The following NEMP2 variants were observed in gnomAD, a reference collection of about 807,000 sequenced individuals.
NEMP2 encodes the protein nuclear envelope integral membrane protein 2.
Under a neutral mutation model 54.2 loss-of-function variants are expected in NEMP2, and 53 were observed. The ratio of observed to expected loss-of-function variants is 0.98; its 90% CI spans 0.78 to 1.23. The LOEUF (loss-of-function observed/expected upper bound fraction) is 1.23. Among genes scored for constraint, NEMP2 ranks in the 50% most tolerant of loss-of-function variants. The pLI is 0.00. For synonymous variants in NEMP2, 197 were observed against 190.3 expected (o/e 1.04, Z -0.29); for missense variants, 455 against 511.3 (o/e 0.89, Z 1.06).
chr2:190,472,196 A>G, the NEMP2 span, among the ~76,000 whole-genome samples: 2 of 152,230 alleles, frequency 1.3e-5, no homozygotes. Context: ...TCCTCCTCCA[A>G]AGAAACGCAG....
At chr2:190,550,543 G>A in the NEMP2 span, among the ~76,000 whole-genome samples, 3 of 152,196 alleles carry the variant, frequency 2.0e-5, no homozygotes, top group South Asian at 2.1e-4. This position sits in a 1 kb window ranked among gnomAD's most constrained non-coding sequence, Gnocchi z 4.7. Flanking sequence ...TTTATTCCAC[G>A]TTACACACAC....
the NEMP2 span, among the ~76,000 whole-genome samples, chr2:190,450,819 G>A: frequency 6.6e-5 from 10 of 152,114 alleles, no homozygotes; most frequent in Non-Finnish European, 1.5e-5. Context: ...CCTTTAAAAA[G>A]TTAACATATA....
chr2:190,589,067 A>T, the NEMP2 span, among the ~76,000 whole-genome samples: 1 of 152,280 alleles, frequency 6.6e-6, no homozygotes, highest in East Asian at 1.9e-4. The surrounding 1 kb of genome is among the most constrained non-coding windows in gnomAD (Gnocchi z 4.3). Context: ...AATAAGCTGC[A>T]TTGGAAGCTA....
chr2:190,450,853 AAAG>A, the NEMP2 span, among the ~76,000 whole-genome samples: 1 of 152,200 alleles, frequency 6.6e-6, no homozygotes, highest in African/African-American at 2.4e-5. Context: ...ACATTATTGA[AAAG>A]AAGAATAAAC....
chr2:190,464,596 G>C, the NEMP2 span, among the ~76,000 whole-genome samples: 1 of 152,142 alleles, frequency 6.6e-6, no homozygotes, highest in Non-Finnish European at 1.5e-5. Flanking sequence ...TGTTCGCTTT[G>C]TTTCCTCTGC....
the NEMP2 span, among the ~76,000 whole-genome samples, chr2:190,426,658 G>T: frequency 3.3e-5 from 5 of 152,034 alleles, no homozygotes; most frequent in African/African-American, 1.2e-4. The surrounding 1 kb of genome is among the most constrained non-coding windows in gnomAD (Gnocchi z 4.7). Flanking sequence ...AGTCCCCAGT[G>T]TCTATTATTT....
chr2:190,460,479 A>G, the NEMP2 span, among the ~76,000 whole-genome samples: 1 of 152,200 alleles, frequency 6.6e-6, no homozygotes, highest in Admixed American at 6.5e-5. Flanking sequence ...TTCAATAAGT[A>G]TTTGTTAATT....
rs1690411866 is a variant in NEMP2 at position 190,512,753 on chromosome 2, T to C, written c.953+1700A>G. On this transcript the variant is annotated intron_variant, in intron 7 of 8. Transcript: ENST00000409150. The surrounding 1 kb of genome is among the most constrained non-coding windows in gnomAD (Gnocchi z 4.5). ...AGCCTCACTGACAAAAGACCTCTGGTGTTCCGAGTCACTGTTTGCCTCGGG... is the reference window on the plus strand; with the variant it reads ...AGCCTCACTGACAAAAGACCTCTGGCGTTCCGAGTCACTGTTTGCCTCGGG... Among the ~76,000 whole-genome samples, 1 of 152,206 alleles carries C rather than the reference T, an allele frequency of 6.6e-6. No individual in the cohort carries two copies. The highest frequency in any genetic ancestry group is 2.4e-5 in the African/African-American group (1 of 41,458).
chr2:190,500,252 T>A, downstream of NEMP2: 1 of 1,610,146 alleles, frequency 6.2e-7, no homozygotes, highest in Non-Finnish European at 8.5e-7. This position sits in a 1 kb window ranked among gnomAD's most constrained non-coding sequence, Gnocchi z 5.3. Context: ...CTGCATGGAA[T>A]CAGGCTCCTC....
the NEMP2 span, among the ~76,000 whole-genome samples, chr2:190,422,491 T>TA: frequency 6.6e-6 from 1 of 152,232 alleles, no homozygotes; most frequent in Non-Finnish European, 1.5e-5. Flanking sequence ...ATTGCATGTG[T>TA]AAAATGTCTT....
the NEMP2 span, among the ~76,000 whole-genome samples, chr2:190,596,431 A>G: frequency 6.6e-6 from 1 of 152,166 alleles, no homozygotes; most frequent in Non-Finnish European, 1.5e-5. This position sits in a 1 kb window ranked among gnomAD's most constrained non-coding sequence, Gnocchi z 5.1. Flanking sequence ...ATGCACCACC[A>G]CTTACATATT....
At chr2:190,599,867 C>T in the NEMP2 span, among the ~76,000 whole-genome samples, 1 of 152,262 alleles carries the variant, frequency 6.6e-6, no homozygotes, top group Non-Finnish European at 1.5e-5. Context: ...CCCATCCCCC[C>T]ATCCCAATCA....
the NEMP2 span, among the ~76,000 whole-genome samples, chr2:190,560,223 G>A: frequency 0.17 from 25,388 of 152,186 alleles, 2,285 homozygotes; most frequent in Middle Eastern, 0.22. This position sits in a 1 kb window ranked among gnomAD's most constrained non-coding sequence, Gnocchi z 5.4. Context: ...GAGTCAAGCA[G>A]TTTTGCTGCT....
the NEMP2 span, among the ~76,000 whole-genome samples, chr2:190,540,651 T>G: frequency 6.6e-6 from 1 of 152,208 alleles, no homozygotes; most frequent in Admixed American, 6.5e-5. Flanking sequence ...TGAGCATTTT[T>G]GGGTTTGAGG....
chr2:190,484,279 A>T, the NEMP2 span, among the ~76,000 whole-genome samples: 2 of 152,190 alleles, frequency 1.3e-5, no homozygotes, highest in East Asian at 3.8e-4. Flanking sequence ...TCTCATACTT[A>T]AAAAGGTTTA....
the NEMP2 span, among the ~76,000 whole-genome samples, chr2:190,605,258 C>G: frequency 6.6e-6 from 1 of 152,114 alleles, no homozygotes; most frequent in Non-Finnish European, 1.5e-5. Context: ...CAACACCTCA[C>G]AATCTTGTCC....
At chr2:190,555,031 CCTCCAGCAAG>C in the NEMP2 span, among the ~76,000 whole-genome samples, 19 of 152,254 alleles carry the variant, frequency 1.2e-4, no homozygotes, top group Non-Finnish European at 2.1e-4. This position sits in a 1 kb window ranked among gnomAD's most constrained non-coding sequence, Gnocchi z 4.8. Context: ...CTGGAGTGGA[CCTCCAGCAAG>C]CTCCAGCAAG....
At chr2:190,535,678 G>A (rs1169123974), upstream of NEMP2, among the ~76,000 whole-genome samples, 1 of 152,168 alleles carries the variant, frequency 6.6e-6, no homozygotes. Context: ...GGCTTTCCTT[G>A]CCCTCAAAGA....
the NEMP2 span, among the ~76,000 whole-genome samples, chr2:190,606,882 C>T: frequency 0.23 from 35,558 of 151,986 alleles, 5,242 homozygotes; most frequent in Non-Finnish European, 0.33. Context: ...AATTGTGGAG[C>T]AAATGACCTC....
Sources: allele counts gnomAD v4.1 joint callset (sites outside exome capture counted in the v4.1 genomes callset), GRCh38; gene constraint gnomAD v4.1.1; non-coding constraint Gnocchi (gnomAD v3.1); transcripts MANE v1.5; gene names NCBI Gene and HGNC (gene_info 2026-07-23, HGNC 2026-07-21).